Variants in FHIP2A observed in about 807,000 individuals in gnomAD.
FHIP2A encodes FHF complex subunit HOOK interacting protein 2A.
FHIP2A carries 46 observed loss-of-function variants against 93.5 expected under a neutral mutation model. The observed-to-expected ratio is 0.49, with a 90% CI of 0.39 to 0.63. The LOEUF is 0.63. FHIP2A is among the 20% of genes least tolerant of loss of function. The pLI, the probability that FHIP2A is intolerant of heterozygous loss-of-function variation, is 0.00. For synonymous variants in FHIP2A, 332 were observed against 326.5 expected, an observed-to-expected ratio of 1.02 and a Z score of -0.18; for missense variants, 769 against 909.7, an observed-to-expected ratio of 0.85 and a Z score of 1.99.
chr10:114,842,315 C>T (rs11196948), intron 5 of FHIP2A, among the ~76,000 whole-genome samples: 62,167 of 151,730 alleles, frequency 0.41, 13,325 homozygotes, highest in Non-Finnish European at 0.48. Flanking sequence ...TCCTCCTGCC[C>T]CGGCCTCCCA....
downstream of FHIP2A, among the ~76,000 whole-genome samples, chr10:114,868,068 C>T (rs775062264): frequency 1.3e-5 from 2 of 151,866 alleles, no homozygotes; most frequent in Non-Finnish European, 2.9e-5. Context: ...GTTGGGATTA[C>T]AGGCAGGTGC....
intron 12 of FHIP2A, among the ~76,000 whole-genome samples, chr10:114,848,156 C>A (rs1354706539): frequency 6.6e-6 from 1 of 151,756 alleles, no homozygotes; most frequent in African/African-American, 2.4e-5. Context: ...TCTTTTGCTT[C>A]CCTTGCAGTG....
At chr10:114,828,296 ATGCAC>A (rs1404315148) in intron 1 of FHIP2A, among the ~76,000 whole-genome samples, 2 of 152,178 alleles carry the variant, frequency 1.3e-5, no homozygotes, top group Non-Finnish European at 2.9e-5. Flanking sequence ...CCTGACACAA[ATGCAC>A]TAAGACTTCT....
chr10:114,872,538 G>C (rs934654683), intron 16 of FHIP2A, among the ~76,000 whole-genome samples: 4 of 152,194 alleles, frequency 2.6e-5, no homozygotes, highest in African/African-American at 9.7e-5. Context: ...TTAAACCTGA[G>C]CTAGTGATTT....
In FHIP2A at chr10:114,882,561, C is replaced by T. The variant is rs542113938; in HGVS notation, c.2193-16929C>T. 3.3e-5 allele frequency among the ~76,000 whole-genome samples: 5 copies of T among 152,192 alleles called. No individual in the cohort carries two copies. In the South Asian group the frequency reaches 6.2e-4, roughly 19 times the overall value. On this transcript the variant is annotated intron_variant, in intron 16 of 16. Coordinates refer to the FHIP2A transcript ENST00000369250. Reference sequence around the variant, plus strand: ...CCTTGTGAGGCTGGGCAAGGTGGCTCGCACCTGTCATCGCAATGTGGGATA... The same window carrying T: ...CCTTGTGAGGCTGGGCAAGGTGGCTTGCACCTGTCATCGCAATGTGGGATA...
chr10:114,893,928 T>C (rs1417751521), intron 16 of FHIP2A, among the ~76,000 whole-genome samples: 1 of 152,026 alleles, frequency 6.6e-6, no homozygotes, highest in Non-Finnish European at 1.5e-5. Flanking sequence ...CAGGAGAAAA[T>C]ACACCAAAAT....
chr10:114,853,722 G>C (rs939467021), intron 13 of FHIP2A, among the ~76,000 whole-genome samples: 5 of 152,212 alleles, frequency 3.3e-5, no homozygotes, highest in Non-Finnish European at 7.3e-5. Context: ...ATTTGGGCCA[G>C]GCGCGGTGGC....
chr10:114,855,059 C>G, intron 13 of FHIP2A, 138 bp from the exon 14 acceptor site: 2 of 783,040 alleles, frequency 2.6e-6, no homozygotes, highest in Non-Finnish European at 4.0e-6. Flanking sequence ...CATCTCTTCC[C>G]CCTCTCCCTT....
chr10:114,849,992 C>A (rs754489301), intron 13 of FHIP2A, among the ~76,000 whole-genome samples: 1 of 152,102 alleles, frequency 6.6e-6, no homozygotes, highest in Non-Finnish European at 1.5e-5. Flanking sequence ...TTTTATTGTA[C>A]GGATATTTTG....
rs563552268 is a variant in FHIP2A at position 114,842,793 on chromosome 10, T to C, written c.523-140T>C. 6 of 618,388 alleles carry C rather than the reference T, an allele frequency of 9.7e-6. No individual in the cohort carries two copies. In the African/African-American group the frequency reaches 1.1e-4, roughly 11 times the overall value. 38.3% of individuals were successfully genotyped at this position (618,388 alleles called of 1,614,324 possible). A position where few individuals can be genotyped will look rare whatever the true frequency, so the allele number is the denominator to read the frequency against. ...ATTCTAAAACACAGTTTGTTAAAAGTCAGAATATTTTCATGTGACATAACA... is the reference window on the plus strand; with the variant it reads ...ATTCTAAAACACAGTTTGTTAAAAGCCAGAATATTTTCATGTGACATAACA... On this transcript the variant is annotated intron_variant, in intron 5 of 16. Transcript: ENST00000369248.
At chr10:114,822,762 A>G (rs1419647148) in intron 1 of FHIP2A, among the ~76,000 whole-genome samples, 3 of 152,292 alleles carry the variant, frequency 2.0e-5, no homozygotes, top group African/African-American at 4.8e-5. Context: ...TGGAGGGTCC[A>G]GTCGAGTTTG....
intron 14 of FHIP2A, among the ~76,000 whole-genome samples, chr10:114,856,393 T>C (rs1432591852): frequency 6.6e-6 from 1 of 152,158 alleles, no homozygotes; most frequent in Non-Finnish European, 1.5e-5. Flanking sequence ...AATCTGGCTA[T>C]TAATAGGTAT....
chr10:114,845,628 G>T (rs1157970301), intron 8 of FHIP2A, 147 bp downstream of exon 8: 1 of 600,444 alleles, frequency 1.7e-6, no homozygotes. Flanking sequence ...AAGTGTATAT[G>T]TGTTTGTATG....
chr10:114,823,794 G>A (rs1221187289), intron 1 of FHIP2A, among the ~76,000 whole-genome samples: 2 of 151,840 alleles, frequency 1.3e-5, no homozygotes, highest in Non-Finnish European at 2.9e-5. Flanking sequence ...CACCACACCC[G>A]GCCCGAATCA....
intron 7 of FHIP2A, among the ~76,000 whole-genome samples, chr10:114,844,624 A>G (rs999672384): frequency 2.0e-5 from 3 of 151,906 alleles, no homozygotes; most frequent in Non-Finnish European, 4.4e-5. Flanking sequence ...GAAGTAGTCC[A>G]CTCGCTATTT....
intron 8 of FHIP2A, 39 bp from the exon 9 acceptor site, chr10:114,845,974 T>C: frequency 6.7e-7 from 1 of 1,483,318 alleles, no homozygotes; most frequent in Non-Finnish European, 9.3e-7. Context: ...GTCTTTCTTT[T>C]ATATTAAAAA....
At chr10:114,834,299 G>A (rs576882193) in intron 3 of FHIP2A, among the ~76,000 whole-genome samples, 6 of 152,212 alleles carry the variant, frequency 3.9e-5, no homozygotes, top group Middle Eastern at 3.4e-3. Context: ...CTAATATTCT[G>A]CAACTCATTC....
downstream of FHIP2A, among the ~76,000 whole-genome samples, chr10:114,868,649 A>G (rs1463907792): frequency 6.6e-6 from 1 of 152,192 alleles, no homozygotes; most frequent in Non-Finnish European, 1.5e-5. Context: ...TAAAACCCCT[A>G]GCAGACTGCC....
In FHIP2A at chr10:114,857,166, C is replaced by T. The variant is rs977830605; in HGVS notation, c.1947+1826C>T. ...ATTTTCAAAGCCTTTTGGGTAAGAA[C>T]GTGGTATAGTCTGATCTCAGAGATA... On this transcript the variant is annotated intron_variant, in intron 14 of 16. Transcript: ENST00000369248. 1.5e-4 allele frequency among the ~76,000 whole-genome samples: 23 copies of T among 151,892 alleles called. 3 individuals carry two copies. Among genetic ancestry groups the T allele is most frequent in the Admixed American group, 9.2e-4 (14 of 15,232 alleles).
Sources: allele counts gnomAD v4.1 joint callset (sites outside exome capture counted in the v4.1 genomes callset), GRCh38; gene constraint gnomAD v4.1.1; transcripts MANE v1.5; gene names NCBI Gene and HGNC (gene_info 2026-07-23, HGNC 2026-07-21).